Variants in BCAS3 observed in about 807,000 individuals in gnomAD.
BCAS3 encodes BCAS4/BCAS3 fusion.
A neutral mutation model predicts 116.1 loss-of-function variants in BCAS3; 53 were observed. The observed-to-expected ratio is 0.46, with a 90% CI of 0.37 to 0.57. BCAS3 has a LOEUF of 0.57. Among genes scored for constraint, BCAS3 ranks in the 20% least tolerant of loss-of-function variants. The probability of loss-of-function intolerance (pLI) is 0.00; values close to 1 mark genes in which losing one functional copy is unlikely to be tolerated. For synonymous variants in BCAS3, 391 were observed against 408.2 expected (o/e 0.96, Z 0.51); for missense variants, 917 against 1,165.4 (o/e 0.79, Z 3.10).
At chr17:61,232,202 A>G (rs1208131776) in intron 22 of BCAS3, among the ~76,000 whole-genome samples, 7 of 129,796 alleles carry the variant, frequency 5.4e-5, no homozygotes, top group Non-Finnish European at 1.0e-4. Context: ...AAGACTCCGA[A>G]AAAAAAAAAA....
chr17:61,040,502 A>G (rs1024299061), intron 18 of BCAS3, among the ~76,000 whole-genome samples: 2 of 152,182 alleles, frequency 1.3e-5, no homozygotes, highest in African/African-American at 2.4e-5. Context: ...TGAATTTTAC[A>G]CCTGTTTAAT....
Position 61,152,996 on chromosome 17 carries a change from G to A in BCAS3, c.2425+68432G>A, listed in dbSNP as rs145235647. Among the ~76,000 whole-genome samples, 16 of 152,200 alleles carry A rather than the reference G, an allele frequency of 1.1e-4. No homozygotes were observed. The East Asian group carries it at 3.1e-3, about 29-fold the overall frequency. On this transcript the variant is annotated intron_variant, in intron 22 of 23. Transcript: ENST00000407086. ...TTCTATCATCCTATACTAACTTACA[G>A]TTTTTCTTGTCCTCCTGAGCTTGCT...
At chr17:61,305,155 C>T (rs1473652717) in intron 22 of BCAS3, among the ~76,000 whole-genome samples, 2 of 152,258 alleles carry the variant, frequency 1.3e-5, no homozygotes, top group East Asian at 3.9e-4. Context: ...GGCTCTATCC[C>T]TCTGAAGATA....
rs2059546519 is a variant in BCAS3 at position 61,380,357 on chromosome 17, T to C, written c.2594-11620T>C. The C allele has an allele frequency of 1.5e-6, 1 of 678,668 alleles. No individual in the cohort carries two copies. Among genetic ancestry groups the C allele is most frequent in the South Asian group, 1.7e-5 (1 of 58,266 alleles). The allele number at this position is 678,668 out of a possible 1,614,324, so 42.0% of individuals were successfully genotyped here. A position where few individuals can be genotyped will look rare whatever the true frequency, so the allele number is the denominator to read the frequency against. On this transcript the variant is annotated intron_variant, in intron 23 of 23. Coordinates refer to ENST00000407086, the MANE Select transcript of BCAS3 (RefSeq NM_017679.5). This position sits in a 1 kb window ranked among gnomAD's most constrained non-coding sequence, Gnocchi z 4.2. ...AATCTGTAAAACCCTAGATGTGCTG[T>C]GCCTGGGAACAGACCATGAACACCC...
chr17:61,149,233 A>G (rs2077410563), intron 22 of BCAS3, among the ~76,000 whole-genome samples: 1 of 152,170 alleles, frequency 6.6e-6, no homozygotes, highest in South Asian at 2.1e-4. Flanking sequence ...TGAGGAGTTA[A>G]TGCACCTCCA....
intron 7 of BCAS3, among the ~76,000 whole-genome samples, chr17:60,841,081 T>C (rs1468395579): frequency 6.6e-6 from 1 of 152,148 alleles, no homozygotes; most frequent in Non-Finnish European, 1.5e-5. Flanking sequence ...TGTGTAATAA[T>C]TTTTCATATA....
At chr17:60,757,583 A>G (rs1339304338) in intron 6 of BCAS3, among the ~76,000 whole-genome samples, 2 of 151,840 alleles carry the variant, frequency 1.3e-5, no homozygotes, top group Non-Finnish European at 2.9e-5. Context: ...ATAAATGTCT[A>G]TGTTGTTACC....
Position 61,211,062 on chromosome 17 carries a change from G to A in BCAS3, c.2425+126498G>A, listed in dbSNP as rs1214257920. On this transcript the variant is annotated intron_variant, in intron 22 of 23. Coordinates refer to ENST00000407086, the MANE Select transcript of BCAS3 (RefSeq NM_017679.5). The surrounding 1 kb of genome is among the most constrained non-coding windows in gnomAD (Gnocchi z 4.4). ...CCCCAAGCTAGGGTCCCAGCGCTGG[G>A]TGGGGGACAGGAGAAAAGGCCTGAG... 6.6e-6 allele frequency among the ~76,000 whole-genome samples: 1 copy of A among 152,078 alleles called. No individual in the cohort carries two copies. The highest frequency in any genetic ancestry group is 2.4e-5 in the African/African-American group (1 of 41,400).
At chr17:60,785,605 A>T (rs1015004156) in intron 6 of BCAS3, among the ~76,000 whole-genome samples, 1 of 152,222 alleles carries the variant, frequency 6.6e-6, no homozygotes, top group Non-Finnish European at 1.5e-5. Context: ...CAGCCATATT[A>T]TGCAATATTA....
chr17:60,940,865 T>C (rs572338960), intron 13 of BCAS3, among the ~76,000 whole-genome samples: 16 of 152,338 alleles, frequency 1.1e-4, no homozygotes, highest in Admixed American at 7.8e-4. Context: ...AGGTAGGTGT[T>C]ATAAATAGGA....
At chr17:61,067,253 C>T (rs1425915913) in intron 19 of BCAS3, among the ~76,000 whole-genome samples, 4 of 99,638 alleles carry the variant, frequency 4.0e-5, no homozygotes, top group African/African-American at 8.7e-5. Flanking sequence ...CATTTCATAA[C>T]TTTATTTATG....
chr17:60,933,042 G>A (rs960733886), intron 13 of BCAS3, among the ~76,000 whole-genome samples: 1 of 152,046 alleles, frequency 6.6e-6, no homozygotes, highest in Admixed American at 6.6e-5. Flanking sequence ...GGGTGTAGTG[G>A]CACACGCCTG....
chr17:61,270,548 C>G (rs963706840), intron 22 of BCAS3, among the ~76,000 whole-genome samples: 2 of 152,112 alleles, frequency 1.3e-5, no homozygotes, highest in Non-Finnish European at 2.9e-5. Context: ...TTATAGGCTG[C>G]CTTTTCACAC....
At chr17:60,688,453 C>T (rs2034377732) in intron 3 of BCAS3, among the ~76,000 whole-genome samples, 2 of 151,992 alleles carry the variant, frequency 1.3e-5, no homozygotes, top group African/African-American at 4.8e-5. Context: ...GTGCATGCCA[C>T]CATGCCCAGA....
intron 22 of BCAS3, among the ~76,000 whole-genome samples, chr17:61,238,227 G>GT (rs34208664): frequency 0.56 from 78,961 of 140,944 alleles, 23,083 homozygotes; most frequent in East Asian, 0.8. Context: ...AGTTTTTCGG[G>GT]TTTTTTTTTT....
In BCAS3 at chr17:61,104,566, T is replaced by C. The variant is rs1308609809; in HGVS notation, c.2425+20002T>C. On this transcript the variant is annotated intron_variant, in intron 22 of 23. Transcript: ENST00000407086. The surrounding 1 kb of genome is among the most constrained non-coding windows in gnomAD (Gnocchi z 4.1). ...ACTTCATCTCATACTTCATCATTTA[T>C]TGGATCAAATAGCAGTCTCATTTAC... 6.6e-6 allele frequency among the ~76,000 whole-genome samples: 1 copy of C among 152,178 alleles called. No individual in the cohort carries two copies. Among genetic ancestry groups the C allele is most frequent in the Non-Finnish European group, 1.5e-5 (1 of 68,026 alleles).
chr17:60,727,507 A>T, intron 5 of BCAS3: 1 of 1,445,804 alleles, frequency 6.9e-7, no homozygotes, highest in Non-Finnish European at 9.2e-7. Context: ...TGTTCCGTCT[A>T]TGTGATGAAA....
chr17:60,716,004 G>A (rs572784767), intron 5 of BCAS3, among the ~76,000 whole-genome samples: 17 of 151,772 alleles, frequency 1.1e-4, no homozygotes, highest in Non-Finnish European at 2.1e-4. Flanking sequence ...CTTGAATTAC[G>A]GGCATGCGCC....
intron 22 of BCAS3, among the ~76,000 whole-genome samples, chr17:61,155,217 G>A (rs1050177306): frequency 2.0e-5 from 3 of 151,936 alleles, no homozygotes; most frequent in Non-Finnish European, 2.9e-5. Flanking sequence ...TTAGTAAAGA[G>A]TAAAAAATTT....
Sources: allele counts gnomAD v4.1 joint callset (sites outside exome capture counted in the v4.1 genomes callset), GRCh38; gene constraint gnomAD v4.1.1; non-coding constraint Gnocchi (gnomAD v3.1); transcripts MANE v1.5; gene names NCBI Gene and HGNC (gene_info 2026-07-23, HGNC 2026-07-21).